Variants in ECHDC2 observed in about 807,000 individuals in gnomAD.
ECHDC2 encodes enoyl-CoA hydratase domain-containing protein 2, mitochondrial.
ECHDC2 carries 34 observed loss-of-function variants against 40.6 expected under a neutral mutation model. The ratio of observed to expected loss-of-function variants is 0.84; its 90% CI spans 0.64 to 1.11. The LOEUF (loss-of-function observed/expected upper bound fraction) is 1.11. Ranked by LOEUF, ECHDC2 falls within the 50% of genes most tolerant of loss-of-function variation. The pLI is 0.00. For missense variants in ECHDC2, 392 were observed against 400.7 expected, an observed-to-expected ratio of 0.98 and a Z score of 0.19; for synonymous variants, 162 against 166.6, an observed-to-expected ratio of 0.97 and a Z score of 0.21.
intron 1 of ECHDC2, among the ~76,000 whole-genome samples, chr1:52,917,326 G>A (rs1291033785): frequency 6.6e-6 from 1 of 152,060 alleles, no homozygotes; most frequent in African/African-American, 2.4e-5. Flanking sequence ...AAACAAGGAG[G>A]ATTTGCTCAA....
chr1:52,897,683 C>T, intron 8 of ECHDC2, 199 bp from the exon 9 acceptor site: 4 of 632,214 alleles, frequency 6.3e-6, no homozygotes, highest in Non-Finnish European at 1.1e-5. Context: ...AGACATTTTG[C>T]CAGAGAAGAG....
intron 7 of ECHDC2, 38 bp downstream of exon 7, chr1:52,904,608 A>G: frequency 6.6e-7 from 1 of 1,516,492 alleles, no homozygotes; most frequent in Non-Finnish European, 8.8e-7. Flanking sequence ...CTCCCCCATG[A>G]CTCCAGCCCT....
intron 8 of ECHDC2, chr1:52,898,881 G>A (rs529750508): frequency 7.0e-4 from 341 of 486,440 alleles, no homozygotes; most frequent in Middle Eastern, 5.2e-3. Flanking sequence ...ACACAGACCC[G>A]GGTTCTTTCT....
Position 52,910,933 on chromosome 1 carries a change from C to T in ECHDC2, c.277+633G>A, listed in dbSNP as rs557686531. On this transcript the variant is annotated intron_variant, in intron 3 of 9. Coordinates refer to ENST00000371522, the MANE Select transcript of ECHDC2 (RefSeq NM_001198961.2). ...AGTCCTAGACTACAGGAAGTCAGAG[C>T]TGGGAGAGCCTTTGGAAATCTTTGA... is the stretch of plus-strand genomic sequence containing the variant. Among the ~76,000 whole-genome samples, 37 of 152,304 alleles carry T rather than the reference C, an allele frequency of 2.4e-4. No homozygotes were observed. The South Asian group carries it at 4.3e-3, about 18-fold the overall frequency.
chr1:52,921,339 G>A (rs893617022), intron 1 of ECHDC2: 9 of 1,168,896 alleles, frequency 7.7e-6, no homozygotes, highest in Non-Finnish European at 9.1e-6. Flanking sequence ...AAGAGACCGA[G>A]GTTGCCAGAG....
intron 5 of ECHDC2, 107 bp from the exon 6 acceptor site, chr1:52,905,197 GC>G: frequency 7.8e-7 from 1 of 1,283,152 alleles, no homozygotes; most frequent in Admixed American, 2.0e-5. Flanking sequence ...CTAGCCACTT[GC>G]CCCATGGTCT....
chr1:52,910,843 C>T (rs555029801), intron 3 of ECHDC2, among the ~76,000 whole-genome samples: 51 of 152,218 alleles, frequency 3.4e-4, no homozygotes, highest in African/African-American at 1.2e-3. Context: ...GAAGAGTGAC[C>T]GTGGTGGGGT....
chr1:52,908,017 G>T, intron 3 of ECHDC2, 63 bp from the exon 4 acceptor site: 1 of 1,504,852 alleles, frequency 6.6e-7, no homozygotes, highest in Non-Finnish European at 9.2e-7. Context: ...ATCCCAGGCG[G>T]TTAAAGGATC....
In ECHDC2 at chr1:52,899,184, C is replaced by T. The variant is rs202045082; in HGVS notation, c.743G>A (p.Arg248Gln). The T allele has an allele frequency of 2.2e-5, 36 of 1,614,188 alleles. No homozygotes were observed. The highest frequency in any genetic ancestry group is 6.6e-5 in the South Asian group (6 of 91,082). Residue 248 changes from arginine (R) to glutamine (Q), a missense_variant, in exon 8 of 10, where the codon CGA becomes CAA. Physicochemically the swap from Arg to Gln is conservative, Grantham distance 43 (BLOSUM62 1). Transcript: ENST00000371522. ...CCAAAACCCTCTCACCTCCGTTCCT[C>T]GGTCAATGGCTACTTTGCCCAGCCG... ...AVRLGKVAID[R>Q]GTEVDIASGM...
chr1:52,921,414 G>T (rs1651858459), intron 1 of ECHDC2, 139 bp downstream of exon 1: 1 of 1,425,234 alleles, frequency 7.0e-7, no homozygotes, highest in East Asian at 2.7e-5. Context: ...GGCCTGGAGC[G>T]GTTTGGGGCG....
In ECHDC2 at chr1:52,911,704, G is replaced by T. The variant is rs1649556285; in HGVS notation, c.189+19C>A. 2.5e-6 allele frequency: 4 copies of T among 1,614,084 alleles called. No individual in the cohort carries two copies. Among genetic ancestry groups the T allele is most frequent in the Non-Finnish European group, 1.7e-6 (2 of 1,179,988 alleles). On this transcript the variant is annotated intron_variant, in intron 2 of 9. Coordinates refer to ENST00000371522, the MANE Select transcript of ECHDC2 (RefSeq NM_001198961.2). ...TGCCAGCCCATCCCCAGCCCACCCT[G>T]GCGCCCGCCCTTTCTTACCTCACTG...
intron 6 of ECHDC2, 25 bp downstream of exon 6, chr1:52,905,008 TG>T: frequency 6.2e-7 from 1 of 1,614,090 alleles, no homozygotes; most frequent in East Asian, 2.2e-5. Flanking sequence ...GGGGTGGAAT[TG>T]GGCGGGTGCT....
intron 3 of ECHDC2, among the ~76,000 whole-genome samples, chr1:52,910,494 G>C (rs920265238): frequency 6.7e-6 from 1 of 149,032 alleles, no homozygotes; most frequent in African/African-American, 2.5e-5. Context: ...TCAGCCTCCT[G>C]AGTAGCTGGG....
At position 52,921,628 on chromosome 1, in the gene ECHDC2, C is replaced by T. The variant is rs759902557; in HGVS notation, c.46G>A (p.Ala16Thr). 4.8e-5 allele frequency: 76 copies of T among 1,592,468 alleles called. No homozygotes were observed. The highest frequency in any genetic ancestry group is 6.9e-5 in the Admixed American group (4 of 57,556). ...GCCCCGTCGGAAGCGCAGCCGCGGG[C>T]CCGAAGGGGCCTCCAGGGGCGCAGG... The part of the protein sequence containing the change: ...CLLRPWRPLR[A>T]RGCASDGAAG... Residue 16 changes from alanine to threonine, a missense_variant, in exon 1 of 10, where the codon GCC becomes ACC. By Grantham distance (58) the Ala-to-Thr change is moderately conservative. Coordinates refer to ENST00000371522, the MANE Select transcript of ECHDC2 (RefSeq NM_001198961.2).
At chr1:52,899,480 T>C (rs1158901674) in intron 7 of ECHDC2, 3 of 529,234 alleles carry the variant, frequency 5.7e-6, no homozygotes, top group East Asian at 3.4e-5. Context: ...ATGCACAACA[T>C]AACTAGTTTA....
chr1:52,897,388 C>T, intron 9 of ECHDC2, 49 bp downstream of exon 9: 2 of 1,598,908 alleles, frequency 1.3e-6, no homozygotes, highest in Non-Finnish European at 1.7e-6. Flanking sequence ...GTCCCTCTAG[C>T]CTGGCCCAGC....
At position 52,897,075 on chromosome 1, in the gene ECHDC2, T is replaced by C. The variant is rs944514083; in HGVS notation, c.801+362A>G. ...CAGTCCCAAGTGTACAGCCCCTACATTGAACACAGCCTGCAGGCTACAACC... is the reference window on the plus strand; with the variant it reads ...CAGTCCCAAGTGTACAGCCCCTACACTGAACACAGCCTGCAGGCTACAACC... On this transcript the variant is annotated intron_variant, in intron 9 of 9. Coordinates refer to ENST00000371522, the MANE Select transcript of ECHDC2 (RefSeq NM_001198961.2). 1.3e-5 allele frequency: 5 copies of C among 378,268 alleles called. No individual in the cohort carries two copies. The East Asian group carries it at 1.5e-4, about 11-fold the overall frequency. The allele number at this position is 378,268 out of a possible 1,614,324, so 23.4% of individuals were successfully genotyped here.
Position 52,921,711 on chromosome 1 carries a change from C to G in ECHDC2, c.-38G>C. 1 of 1,450,152 alleles carries G rather than the reference C, an allele frequency of 6.9e-7. No homozygotes were observed. The highest frequency in any genetic ancestry group is 2.5e-4 in the Middle Eastern group (1 of 3,968). The allele number at this position is 1,450,152 out of a possible 1,614,324, so 89.8% of individuals were successfully genotyped here. On this transcript the variant is annotated 5_prime_UTR_variant, in exon 1 of 10. Transcript: ENST00000371522. ...TGGGAGTGAAGGTGCTTCTCCGGCCCTGCACCGTCTCGGCTCCCGCTGAGA... is the reference window on the plus strand; with the variant it reads ...TGGGAGTGAAGGTGCTTCTCCGGCCGTGCACCGTCTCGGCTCCCGCTGAGA...
chr1:52,910,245 G>A (rs985917305), intron 3 of ECHDC2, among the ~76,000 whole-genome samples: 12 of 151,382 alleles, frequency 7.9e-5, no homozygotes, highest in African/African-American at 2.7e-4. Context: ...AATGGATAGC[G>A]GTGACATTGC....
Sources: gnomAD v4.1 joint callset for allele counts (sites outside exome capture counted in the v4.1 genomes callset) on GRCh38, gnomAD v4.1.1 for gene constraint, MANE v1.5 for transcripts, NCBI Gene and HGNC (gene_info 2026-07-23, HGNC 2026-07-21) for gene names.